FNBP1: variants seen among roughly 807,000 people sequenced by gnomAD.
FNBP1 encodes the protein formin-binding protein 1.
In FNBP1, 26 loss-of-function variants were observed where a neutral mutation model predicts 90.6. The observed-to-expected ratio is 0.29, with a 90% CI of 0.21 to 0.40. The LOEUF is 0.40. Among genes scored for constraint, FNBP1 ranks in the 10% least tolerant of loss-of-function variants. The pLI, the probability that FNBP1 is intolerant of heterozygous loss-of-function variation, is 1.00. For synonymous variants in FNBP1, 260 were observed against 265.2 expected, an observed-to-expected ratio of 0.98 and a Z score of 0.19; for missense variants, 635 against 768.0, an observed-to-expected ratio of 0.83 and a Z score of 2.05.
intron 2 of FNBP1, among the ~76,000 whole-genome samples, chr9:129,992,921 TAA>T (rs977580384): frequency 5.2e-5 from 6 of 114,762 alleles, no homozygotes; most frequent in Admixed American, 9.0e-5. Flanking sequence ...TGAAGAAAAT[TAA>T]AAAAAAAAAA....
At chr9:129,910,413 C>T (rs1412846567) in intron 11 of FNBP1, among the ~76,000 whole-genome samples, 13 of 129,680 alleles carry the variant, frequency 1.0e-4, no homozygotes, top group African/African-American at 3.7e-4. Flanking sequence ...ACCCGGGAAG[C>T]GGAGGTTGTA....
At chr9:129,985,374 T>G (rs1425658848) in intron 2 of FNBP1, among the ~76,000 whole-genome samples, 1 of 152,206 alleles carries the variant, frequency 6.6e-6, no homozygotes, top group Non-Finnish European at 1.5e-5. Flanking sequence ...ATGATGATGA[T>G]GATGATTCAC....
intron 2 of FNBP1, among the ~76,000 whole-genome samples, chr9:129,980,780 G>A (rs1320837124): frequency 3.3e-5 from 5 of 151,796 alleles, no homozygotes; most frequent in Non-Finnish European, 7.4e-5. Context: ...AGCCAGGCAC[G>A]GTGGCTCATG....
rs781146545 is a variant in FNBP1, at chr9:129,900,001, C to T, written c.1651G>A (p.Ala551Thr). 1.9e-6 allele frequency: 3 copies of T among 1,612,756 alleles called. No homozygotes were observed. The highest frequency in any genetic ancestry group is 1.3e-5 in the African/African-American group (1 of 74,986). The stretch of plus-strand genomic sequence containing the variant: ...TAGAGAGCTTTGCACGTCCCTATGG[C>T]AGGGAGGGGCTCCTCATCATCAAAC... ...DEFDDEEPLP[A>T]IGTCKALYTF... The change falls in exon 15 of 17, where the codon GCC becomes ACC. Residue 551 changes from alanine (A) to threonine (T), a missense_variant. Transcript: ENST00000446176. The surrounding 1 kb of genome is among the most constrained non-coding windows in gnomAD (Gnocchi z 4.1).
intron 6 of FNBP1, among the ~76,000 whole-genome samples, chr9:129,931,881 A>AATAC (rs2042796324): frequency 6.6e-6 from 1 of 151,760 alleles, no homozygotes; most frequent in South Asian, 2.1e-4. Flanking sequence ...ACACAAGAAA[A>AATAC]AGACAGAAAA....
chr9:129,958,543 T>A lies in FNBP1; in HGVS notation c.356A>T (p.Asp119Val). ...GATGTGCTGCTGTGCTTTACGGCCA[T>A]CGTGAAAGTTCTGCAAAGGGGAAAA... ...LKQERKSNFH[D>V]GRKAQQHIET... Residue 119 changes from aspartate to valine, a missense_variant, in exon 5 of 17, where the codon GAT becomes GTT. Coordinates refer to ENST00000446176, the MANE Select transcript of FNBP1 (RefSeq NM_015033.3). 6 of 1,594,656 alleles carry A rather than the reference T, an allele frequency of 3.8e-6. No individual in the cohort carries two copies. Among genetic ancestry groups the A allele is most frequent in the Non-Finnish European group, 5.1e-6 (6 of 1,169,614 alleles).
chr9:130,048,294 G>A, the FNBP1 span, among the ~76,000 whole-genome samples: 3 of 103,126 alleles, frequency 2.9e-5, no homozygotes, highest in African/African-American at 3.8e-5. Context: ...CCAGCCTGGC[G>A]ACAGAGCAAG....
At chr9:130,033,413 C>A (rs1174662245) in intron 1 of FNBP1, among the ~76,000 whole-genome samples, 1 of 152,186 alleles carries the variant, frequency 6.6e-6, no homozygotes, top group Non-Finnish European at 1.5e-5. Flanking sequence ...TTCAGGAACC[C>A]GTTCTCAATT....
At chr9:129,954,937 T>C (rs2046689984) in intron 6 of FNBP1, among the ~76,000 whole-genome samples, 1 of 151,804 alleles carries the variant, frequency 6.6e-6, no homozygotes, top group Non-Finnish European at 1.5e-5. Flanking sequence ...GAGATTGCAA[T>C]GAACCGAGAT....
At chr9:129,929,287 G>A (rs1239298106) in intron 7 of FNBP1, among the ~76,000 whole-genome samples, 2 of 151,618 alleles carry the variant, frequency 1.3e-5, no homozygotes, top group African/African-American at 4.8e-5. Flanking sequence ...GTACGTGCCT[G>A]TAGTCCCAGC....
At chr9:130,052,127 CAAT>C in the FNBP1 span, among the ~76,000 whole-genome samples, 28 of 152,200 alleles carry the variant, frequency 1.8e-4, no homozygotes, top group African/African-American at 6.8e-4. Flanking sequence ...AAATGCTCAA[CAAT>C]GTCTTTGTAG....
intron 9 of FNBP1, 119 bp downstream of exon 9, chr9:129,924,833 GTAGCACAC>G: frequency 1.3e-6 from 1 of 791,000 alleles, no homozygotes; most frequent in East Asian, 2.7e-5. Flanking sequence ...TCAACATAAG[GTAGCACAC>G]TAGCTTCTTC....
intron 6 of FNBP1, among the ~76,000 whole-genome samples, chr9:129,943,384 C>CTTTTTTTTTT (rs11415197): frequency 9.7e-6 from 1 of 102,662 alleles, no homozygotes. Flanking sequence ...TCATTAATTG[C>CTTTTTTTTTT]TTTTTTTTTT....
At chr9:129,988,251 C>T (rs1171023320) in intron 2 of FNBP1, among the ~76,000 whole-genome samples, 4 of 150,656 alleles carry the variant, frequency 2.7e-5, no homozygotes, top group Non-Finnish European at 5.9e-5. Context: ...GTGACAGAAA[C>T]TGTCTCAAAA....
intron 4 of FNBP1, among the ~76,000 whole-genome samples, chr9:129,968,995 G>T (rs535027513): frequency 6.6e-6 from 1 of 152,148 alleles, no homozygotes; most frequent in African/African-American, 2.4e-5. Context: ...AGTGGTAATC[G>T]CTGTGGAAAA....
intron 6 of FNBP1, among the ~76,000 whole-genome samples, chr9:129,949,566 T>C (rs1172854345): frequency 6.6e-6 from 1 of 152,030 alleles, no homozygotes; most frequent in East Asian, 1.9e-4. Context: ...TGGAGGTGAT[T>C]TGAACACAGT....
At chr9:129,929,266 C>T (rs141658300) in intron 7 of FNBP1, among the ~76,000 whole-genome samples, 1,567 of 151,704 alleles carry the variant, frequency 0.01, 12 homozygotes, top group Middle Eastern at 0.027. Flanking sequence ...AAAAATTAGC[C>T]GGGCCCAGTG....
At chr9:129,944,168 T>C (rs1281695378) in intron 6 of FNBP1, among the ~76,000 whole-genome samples, 1 of 152,036 alleles carries the variant, frequency 6.6e-6, no homozygotes, top group Non-Finnish European at 1.5e-5. Flanking sequence ...GAAAGGTATC[T>C]ATTACAGTCC....
At chr9:129,962,579 G>C (rs1038111066) in intron 4 of FNBP1, among the ~76,000 whole-genome samples, 2 of 152,208 alleles carry the variant, frequency 1.3e-5, no homozygotes, top group Non-Finnish European at 2.9e-5. Context: ...ATCAGATTTA[G>C]AACAGTGCTC....
Sources: gnomAD v4.1 joint callset for allele counts (sites outside exome capture counted in the v4.1 genomes callset) on GRCh38, gnomAD v4.1.1 for gene constraint, Gnocchi (gnomAD v3.1) non-coding constraint, MANE v1.5 for transcripts, NCBI Gene and HGNC (gene_info 2026-07-23, HGNC 2026-07-21) for gene names.